XKR9: variants seen among roughly 807,000 people sequenced by gnomAD.
The protein encoded by XKR9 is XK related 9, also known as XK-related protein 9.
XKR9 carries 32 observed loss-of-function variants against 32.0 expected under a neutral mutation model. The ratio of observed to expected loss-of-function variants is 1.00; its 90% CI spans 0.76 to 1.34. XKR9 has a LOEUF of 1.34. Ranked by LOEUF, XKR9 falls within the 40% of genes most tolerant of loss-of-function variation. The probability of loss-of-function intolerance (pLI) is 0.00; values close to 1 mark genes in which losing one functional copy is unlikely to be tolerated. For synonymous variants in XKR9, 168 were observed against 143.4 expected (o/e 1.17, Z -1.22); for missense variants, 546 against 429.7 (o/e 1.27, Z -2.39).
At chr8:70,916,212 T>C in the XKR9 span, among the ~76,000 whole-genome samples, 2 of 152,234 alleles carry the variant, frequency 1.3e-5, no homozygotes, top group African/African-American at 4.8e-5. Context: ...GCTTCTGCAT[T>C]CCACTGGGTT....
chr8:70,934,182 G>A, the XKR9 span, among the ~76,000 whole-genome samples: 7 of 152,038 alleles, frequency 4.6e-5, no homozygotes, highest in South Asian at 2.1e-4. Context: ...GTTGAGCATT[G>A]GTCAGCCATA....
At chr8:71,002,917 T>C in the XKR9 span, among the ~76,000 whole-genome samples, 1 of 152,190 alleles carries the variant, frequency 6.6e-6, no homozygotes, top group Non-Finnish European at 1.5e-5. Context: ...CTGTCAGAAG[T>C]GGAGAGTCTA....
the XKR9 span, among the ~76,000 whole-genome samples, chr8:70,943,183 T>A: frequency 6.6e-6 from 1 of 152,212 alleles, no homozygotes; most frequent in Non-Finnish European, 1.5e-5. Flanking sequence ...TGGTTTTTAC[T>A]TTTCCCTGCT....
chr8:70,810,450 T>C, the XKR9 span, among the ~76,000 whole-genome samples: 2 of 152,214 alleles, frequency 1.3e-5, no homozygotes, highest in Non-Finnish European at 2.9e-5. Flanking sequence ...ACATTAACTT[T>C]AAATGTAAAT....
At chr8:70,946,436 C>G in the XKR9 span, among the ~76,000 whole-genome samples, 1 of 151,920 alleles carries the variant, frequency 6.6e-6, no homozygotes, top group South Asian at 2.1e-4. Flanking sequence ...TAATGTCTAA[C>G]AGTGATTGAG....
At chr8:70,745,278 C>G (rs1371715141) in intron 2 of XKR9, among the ~76,000 whole-genome samples, 1 of 152,142 alleles carries the variant, frequency 6.6e-6, no homozygotes, top group Admixed American at 6.5e-5. Flanking sequence ...ATGGTTCAGT[C>G]ATGGCTTTAT....
chr8:70,829,462 T>G, the XKR9 span, among the ~76,000 whole-genome samples: 1 of 152,250 alleles, frequency 6.6e-6, no homozygotes, highest in East Asian at 1.9e-4. Context: ...TTTTCTTTTT[T>G]TGTTGAGACG....
At chr8:70,866,378 C>G in the XKR9 span, among the ~76,000 whole-genome samples, 1 of 152,090 alleles carries the variant, frequency 6.6e-6, no homozygotes, top group Non-Finnish European at 1.5e-5. Flanking sequence ...TGGGAAAAGC[C>G]AGCATATGGG....
intron 4 of XKR9, among the ~76,000 whole-genome samples, chr8:70,729,154 A>G (rs1276827682): frequency 6.6e-6 from 1 of 152,164 alleles, no homozygotes; most frequent in African/African-American, 2.4e-5. Flanking sequence ...AGTTTCTCCA[A>G]TTGTGTCCAG....
At chr8:70,852,597 C>T in the XKR9 span, among the ~76,000 whole-genome samples, 1 of 152,116 alleles carries the variant, frequency 6.6e-6, no homozygotes, top group African/African-American at 2.4e-5. Flanking sequence ...TGGAAACAAC[C>T]TAAATGCCCA....
the XKR9 span, among the ~76,000 whole-genome samples, chr8:71,008,054 C>CA: frequency 1.3e-5 from 2 of 151,252 alleles, no homozygotes; most frequent in Non-Finnish European, 3.0e-5. Flanking sequence ...TTGAAAGAAC[C>CA]AAAAAAAGTA....
the XKR9 span, among the ~76,000 whole-genome samples, chr8:70,813,353 G>C: frequency 6.6e-6 from 1 of 152,052 alleles, no homozygotes; most frequent in East Asian, 1.9e-4. Flanking sequence ...AGAAAACCTA[G>C]GTATTACCAT....
chr8:70,947,747 C>T, the XKR9 span, among the ~76,000 whole-genome samples: 1 of 152,188 alleles, frequency 6.6e-6, no homozygotes, highest in Non-Finnish European at 1.5e-5. Context: ...TTCTTGTAGA[C>T]ATAGCCATTT....
At chr8:70,873,168 A>G in the XKR9 span, among the ~76,000 whole-genome samples, 4 of 152,166 alleles carry the variant, frequency 2.6e-5, no homozygotes, top group Non-Finnish European at 4.4e-5. Context: ...CTCTCAAAAG[A>G]TTACTTCTCA....
chr8:70,998,165 A>G, the XKR9 span, among the ~76,000 whole-genome samples: 1 of 152,264 alleles, frequency 6.6e-6, no homozygotes, highest in African/African-American at 2.4e-5. Context: ...TTTCTCAGTT[A>G]GTAATAACAA....
At chr8:71,016,837 CT>C in the XKR9 span, among the ~76,000 whole-genome samples, 17,124 of 149,670 alleles carry the variant, frequency 0.11, 1,173 homozygotes, top group African/African-American at 0.19. Flanking sequence ...GTCATATGCT[CT>C]TTTTTTTTTT....
chr8:70,960,874 G>GA, the XKR9 span, among the ~76,000 whole-genome samples: 1,816 of 128,392 alleles, frequency 0.014, 23 homozygotes, highest in African/African-American at 0.041. Context: ...CCTGTCTTAA[G>GA]AAAAAAAAAA....
intron 2 of XKR9, among the ~76,000 whole-genome samples, chr8:70,784,412 T>C (rs1277202510): frequency 2.9e-5 from 1 of 35,078 alleles, no homozygotes; most frequent in Non-Finnish European, 9.8e-5. Flanking sequence ...GTGTACAGAT[T>C]TTTTTTACCT....
At chr8:70,913,373 C>T in the XKR9 span, among the ~76,000 whole-genome samples, 1 of 151,950 alleles carries the variant, frequency 6.6e-6, no homozygotes, top group African/African-American at 2.4e-5. Flanking sequence ...GTGGAAACTG[C>T]AATTGAGAAT....
Sources: gnomAD v4.1 joint callset for allele counts (sites outside exome capture counted in the v4.1 genomes callset) on GRCh38, gnomAD v4.1.1 for gene constraint, MANE v1.5 for transcripts, NCBI Gene and HGNC (gene_info 2026-07-23, HGNC 2026-07-21) for gene names.